FAM222A: variants seen among roughly 807,000 people sequenced by gnomAD.
FAM222A encodes family with sequence similarity 222 member A.
In FAM222A, 7 loss-of-function variants were observed where a neutral mutation model predicts 25.8. The observed-to-expected ratio is 0.27, with a 90% confidence interval of 0.15 to 0.51. The LOEUF (loss-of-function observed/expected upper bound fraction) is 0.51. Ranked by LOEUF, FAM222A falls within the 20% of genes least tolerant of loss-of-function variation. The pLI, the probability that FAM222A is intolerant of heterozygous loss-of-function variation, is 0.97. For missense variants in FAM222A, 573 were observed against 640.5 expected (o/e 0.89, Z 1.14); for synonymous variants, 294 against 298.8 (o/e 0.98, Z 0.17).
chr12:109,719,942 C>T (rs1887717976), intron 1 of FAM222A, among the ~76,000 whole-genome samples: 1 of 152,302 alleles, frequency 6.6e-6, no homozygotes. Context: ...AGAGAGAGCA[C>T]CTGCACTCTC....
At chr12:109,752,472 C>T (rs1888590068) in intron 2 of FAM222A, among the ~76,000 whole-genome samples, 1 of 147,434 alleles carries the variant, frequency 6.8e-6, no homozygotes, top group Non-Finnish European at 1.5e-5. Flanking sequence ...CAGATCTCTC[C>T]TCTTGTCCCT....
At chr12:109,760,969 G>T (rs1888874961) in intron 2 of FAM222A, among the ~76,000 whole-genome samples, 1 of 152,134 alleles carries the variant, frequency 6.6e-6, no homozygotes, top group Non-Finnish European at 1.5e-5. Context: ...GGCAGTGGAG[G>T]GGGCTCCGAT....
intron 1 of FAM222A, chr12:109,735,574 T>C (rs1270183849): frequency 2.6e-5 from 4 of 152,202 alleles, no homozygotes; most frequent in Non-Finnish European, 4.4e-5. Flanking sequence ...CCCTCCCATC[T>C]CCACTGTGGG....
intron 2 of FAM222A, among the ~76,000 whole-genome samples, chr12:109,758,787 C>T (rs1372566008): frequency 6.6e-6 from 1 of 152,158 alleles, no homozygotes; most frequent in Non-Finnish European, 1.5e-5. Flanking sequence ...GGAGCTGCTC[C>T]CCCTGGCGAG....
At chr12:109,733,194 C>T (rs1887989524) in intron 1 of FAM222A, among the ~76,000 whole-genome samples, 1 of 152,088 alleles carries the variant, frequency 6.6e-6, no homozygotes, top group African/African-American at 2.4e-5. Flanking sequence ...TGAGGCAAGT[C>T]TGAACTGAAC....
Position 109,767,999 on chromosome 12 carries a change from T to G in FAM222A, c.83-13T>G, listed in dbSNP as rs765780862. On this transcript the variant is annotated splice_polypyrimidine_tract_variant and intron_variant, in intron 2 of 2. Coordinates refer to ENST00000538780, the MANE Select transcript of FAM222A (RefSeq NM_032829.3). ...CCTCCTGATGGGCCCTCACACCTGCTTTCCTCCCACAGGCGAGGCGGTGGC... is the reference window on the plus strand; with the variant it reads ...CCTCCTGATGGGCCCTCACACCTGCGTTCCTCCCACAGGCGAGGCGGTGGC... 1.1e-5 allele frequency: 17 copies of G among 1,607,902 alleles called. No individual in the cohort carries two copies. The highest frequency in any genetic ancestry group is 1.4e-5 in the Non-Finnish European group (16 of 1,176,346).
At position 109,744,888 on chromosome 12, in the gene FAM222A, T is replaced by C. The variant is rs1888352663; in HGVS notation, c.82+660T>C. 4.9e-6 allele frequency: 3 copies of C among 614,734 alleles called. No individual in the cohort carries two copies. In the Admixed American group the frequency reaches 1.9e-4, roughly 39 times the overall value. The allele number at this position is 614,734 out of a possible 1,614,324, so 38.1% of individuals were successfully genotyped here. A position where few individuals can be genotyped will look rare whatever the true frequency, so the allele number is the denominator to read the frequency against. Reference sequence around the variant, plus strand: ...CTGTGTGCCTGTATTGCAGCTATGGTTAGAGCTGAATGACTGCCTCTTTTA... The same window carrying C: ...CTGTGTGCCTGTATTGCAGCTATGGCTAGAGCTGAATGACTGCCTCTTTTA... On this transcript the variant is annotated intron_variant, in intron 2 of 2. Transcript: ENST00000538780.
chr12:109,767,477 C>G (rs1309636808), intron 2 of FAM222A, among the ~76,000 whole-genome samples: 1 of 152,168 alleles, frequency 6.6e-6, no homozygotes, highest in Non-Finnish European at 1.5e-5. Context: ...GCCTGGGTGA[C>G]AGAGCAAGAC....
At chr12:109,728,540 C>A (rs1470466569) in intron 1 of FAM222A, among the ~76,000 whole-genome samples, 2 of 152,220 alleles carry the variant, frequency 1.3e-5, no homozygotes, top group Non-Finnish European at 2.9e-5. Context: ...ATTCCAGCCA[C>A]CTGGGATGGG....
At chr12:109,728,465 C>T (rs1887882524) in intron 1 of FAM222A, among the ~76,000 whole-genome samples, 1 of 152,196 alleles carries the variant, frequency 6.6e-6, no homozygotes, top group South Asian at 2.1e-4. Context: ...TTCTATGAAC[C>T]CAGCCCCGTG....
intron 1 of FAM222A, among the ~76,000 whole-genome samples, chr12:109,726,568 G>T (rs1887846469): frequency 6.6e-6 from 1 of 152,238 alleles, no homozygotes. Flanking sequence ...ACAGGTCCCA[G>T]CACGCAGTAG....
chr12:109,747,422 G>A (rs909352085), intron 2 of FAM222A, among the ~76,000 whole-genome samples: 1 of 152,110 alleles, frequency 6.6e-6, no homozygotes, highest in Non-Finnish European at 1.5e-5. Context: ...ATTTGGTAGA[G>A]GTTGTTGCTC....
chr12:109,737,403 G>C (rs1256164927), intron 1 of FAM222A, among the ~76,000 whole-genome samples: 5 of 151,836 alleles, frequency 3.3e-5, no homozygotes, highest in Non-Finnish European at 4.4e-5. Context: ...AGGGGTGTTG[G>C]AGCCAGGCAG....
At chr12:109,742,451 G>A (rs1464117391) in intron 1 of FAM222A, among the ~76,000 whole-genome samples, 2 of 152,174 alleles carry the variant, frequency 1.3e-5, no homozygotes, top group Non-Finnish European at 2.9e-5. Flanking sequence ...TATAATTTCT[G>A]CCTGATTGTA....
At chr12:109,725,293 G>A (rs1418202671) in intron 1 of FAM222A, among the ~76,000 whole-genome samples, 1 of 152,186 alleles carries the variant, frequency 6.6e-6, no homozygotes, top group East Asian at 1.9e-4. Context: ...ACCTTGCGCA[G>A]TGAGTGCTAT....
chr12:109,715,372 T>TA (rs1255294614), intron 1 of FAM222A, among the ~76,000 whole-genome samples: 2 of 152,126 alleles, frequency 1.3e-5, no homozygotes, highest in Non-Finnish European at 2.9e-5. Flanking sequence ...GGCTAGACCT[T>TA]AGAGCCCTCG....
intron 1 of FAM222A, among the ~76,000 whole-genome samples, chr12:109,715,396 C>A (rs1887623756): frequency 6.6e-6 from 1 of 152,352 alleles, no homozygotes; most frequent in East Asian, 1.9e-4. Flanking sequence ...AAACCACGTT[C>A]CCACAAATAA....
intron 2 of FAM222A, among the ~76,000 whole-genome samples, chr12:109,764,869 A>AT (rs1156254819): frequency 7.9e-5 from 12 of 152,198 alleles, no homozygotes; most frequent in African/African-American, 2.9e-4. Flanking sequence ...TCGGAGAAAG[A>AT]TTCCCCCGTT....
At chr12:109,765,634 G>A (rs558080923) in intron 2 of FAM222A, among the ~76,000 whole-genome samples, 18 of 152,286 alleles carry the variant, frequency 1.2e-4, no homozygotes, top group East Asian at 3.9e-4. Flanking sequence ...CCCATGTCCC[G>A]CCACCGCCTG....
Sources: allele counts gnomAD v4.1 joint callset (sites outside exome capture counted in the v4.1 genomes callset), GRCh38; gene constraint gnomAD v4.1.1; transcripts MANE v1.5; gene names NCBI Gene and HGNC (gene_info 2026-07-23, HGNC 2026-07-21).